ACOXL: variants seen among roughly 807,000 people sequenced by gnomAD.
The protein encoded by ACOXL is acyl-CoA oxidase like.
ACOXL carries 70 observed loss-of-function variants against 71.9 expected under a neutral mutation model. The ratio of observed to expected loss-of-function variants is 0.97; its 90% confidence interval spans 0.80 to 1.19. The LOEUF (loss-of-function observed/expected upper bound fraction) is 1.19, where lower values mean the gene tolerates loss of function less well. Among genes scored for constraint, ACOXL ranks in the 50% most tolerant of loss-of-function variants. The pLI, the probability that ACOXL is intolerant of heterozygous loss-of-function variation, is 0.00. For synonymous variants in ACOXL, 253 were observed against 281.6 expected (o/e 0.90, Z 1.02); for missense variants, 703 against 736.3 (o/e 0.95, Z 0.52).
intron 10 of ACOXL, among the ~76,000 whole-genome samples, chr2:110,870,340 C>G (rs976217045): frequency 6.8e-6 from 1 of 146,110 alleles, no homozygotes; most frequent in African/African-American, 2.5e-5. Context: ...AAGCCCTAGA[C>G]TTTTTTTTTT....
chr2:110,770,949 G>C (rs886187137), intron 2 of ACOXL, among the ~76,000 whole-genome samples: 6 of 152,198 alleles, frequency 3.9e-5, no homozygotes, highest in African/African-American at 9.6e-5. Flanking sequence ...CTGATGAAGC[G>C]TGTTGAGCTC....
intron 3 of ACOXL, among the ~76,000 whole-genome samples, chr2:110,791,560 C>G (rs1383546792): frequency 6.6e-6 from 1 of 152,188 alleles, no homozygotes; most frequent in African/African-American, 2.4e-5. Flanking sequence ...ATTAGTAATG[C>G]AATTTGCAGT....
At chr2:110,760,836 A>G (rs756829594) in intron 1 of ACOXL, among the ~76,000 whole-genome samples, 1 of 152,168 alleles carries the variant, frequency 6.6e-6, no homozygotes. Context: ...GGAAATGCAT[A>G]AGCACTCAAG....
At chr2:110,944,911 T>G (rs1437794828) in intron 12 of ACOXL, among the ~76,000 whole-genome samples, 1 of 152,226 alleles carries the variant, frequency 6.6e-6, no homozygotes, top group African/African-American at 2.4e-5. Flanking sequence ...AGTTCGTTGA[T>G]AAATTACCAA....
intron 15 of ACOXL, among the ~76,000 whole-genome samples, chr2:111,042,206 A>G (rs901018887): frequency 6.6e-6 from 1 of 152,272 alleles, no homozygotes; most frequent in African/African-American, 2.4e-5. Flanking sequence ...GCCTAGGGAA[A>G]TACAGTCTTA....
chr2:111,118,180 C>A lies in ACOXL; in HGVS notation c.*364C>A. 2.9e-6 allele frequency: 1 copy of A among 341,158 alleles called. No homozygotes were observed. The highest frequency in any genetic ancestry group is 5.3e-6 in the Non-Finnish European group (1 of 187,408). The allele number at this position is 341,158 out of a possible 1,614,324, so 21.1% of individuals were successfully genotyped here. A position where few individuals can be genotyped will look rare whatever the true frequency, so the allele number is the denominator to read the frequency against. On this transcript the variant is annotated 3_prime_UTR_variant, in exon 18 of 18. Coordinates refer to ENST00000439055, the MANE Select transcript of ACOXL (RefSeq NM_001142807.4). Reference sequence around the variant, plus strand: ...AGGTCTCCTGCTGTTAGCGGTGACTCACATTCCCAGTGATTTAGAAAAACT... The same window carrying A: ...AGGTCTCCTGCTGTTAGCGGTGACTAACATTCCCAGTGATTTAGAAAAACT...
intron 9 of ACOXL, among the ~76,000 whole-genome samples, chr2:110,811,869 A>G (rs1687376767): frequency 6.6e-6 from 1 of 152,058 alleles, no homozygotes. Flanking sequence ...ATCCTCAGAG[A>G]GGCCATCTGT....
intron 14 of ACOXL, among the ~76,000 whole-genome samples, chr2:111,017,239 T>A (rs1260586047): frequency 6.6e-6 from 1 of 152,212 alleles, no homozygotes; most frequent in Admixed American, 6.5e-5. Context: ...TTGCCCTGTC[T>A]GCACAAGGCC....
intron 3 of ACOXL, among the ~76,000 whole-genome samples, chr2:110,791,041 C>G (rs1184482958): frequency 6.6e-6 from 1 of 152,284 alleles, no homozygotes; most frequent in Non-Finnish European, 1.5e-5. Context: ...CCATGCCCCT[C>G]CCAGAAGGCA....
intron 12 of ACOXL, among the ~76,000 whole-genome samples, chr2:110,948,703 TAAAAAAAAA>T (rs5833377): frequency 1.4e-5 from 1 of 70,816 alleles, no homozygotes; most frequent in South Asian, 5.3e-4. Flanking sequence ...CCAGAAGAAC[TAAAAAAAAA>T]AAAAAAAAAA....
intron 11 of ACOXL, among the ~76,000 whole-genome samples, chr2:110,931,434 G>T (rs574845408): frequency 6.6e-6 from 1 of 152,304 alleles, no homozygotes; most frequent in East Asian, 1.9e-4. Flanking sequence ...GAGATTCTCT[G>T]AGAGTCATTG....
At chr2:111,021,332 A>G (rs1392825670) in intron 14 of ACOXL, among the ~76,000 whole-genome samples, 3 of 152,160 alleles carry the variant, frequency 2.0e-5, no homozygotes, top group African/African-American at 4.8e-5. Context: ...CGTGGGAAAC[A>G]AGCTGGGAAC....
chr2:110,963,858 A>C, intron 12 of ACOXL: 2 of 1,214,458 alleles, frequency 1.6e-6, no homozygotes, highest in Non-Finnish European at 2.2e-6. Flanking sequence ...TGAACAGGGG[A>C]TTACGTTATT....
chr2:111,080,605 G>A (rs1213262225), intron 16 of ACOXL, among the ~76,000 whole-genome samples: 3 of 152,148 alleles, frequency 2.0e-5, no homozygotes, highest in Non-Finnish European at 4.4e-5. Flanking sequence ...AAGGGGAGCT[G>A]GTACCGTTCC....
intron 1 of ACOXL, among the ~76,000 whole-genome samples, chr2:110,756,079 C>A (rs1020579850): frequency 6.6e-6 from 1 of 151,840 alleles, no homozygotes; most frequent in African/African-American, 2.4e-5. Flanking sequence ...ATAAGGAATT[C>A]GGGTGTTAAT....
At chr2:110,863,941 T>G (rs1339243565) in intron 10 of ACOXL, among the ~76,000 whole-genome samples, 1 of 152,062 alleles carries the variant, frequency 6.6e-6, no homozygotes, top group Non-Finnish European at 1.5e-5. Flanking sequence ...TCCCTGGGGG[T>G]GCACCTAGGC....
chr2:111,016,513 T>G (rs2064442825), intron 14 of ACOXL: 1 of 152,242 alleles, frequency 6.6e-6, no homozygotes, highest in Non-Finnish European at 1.5e-5. Context: ...GCATTACAGG[T>G]ACTGTCTTTT....
chr2:111,065,427 TA>T (rs2067017624), intron 16 of ACOXL, among the ~76,000 whole-genome samples: 3 of 152,138 alleles, frequency 2.0e-5, no homozygotes, highest in Admixed American at 2.0e-4. Context: ...AGTAAACATA[TA>T]GAAGAAAACC....
At chr2:111,061,743 A>G (rs1488915619) in intron 16 of ACOXL, among the ~76,000 whole-genome samples, 1 of 152,148 alleles carries the variant, frequency 6.6e-6, no homozygotes, top group African/African-American at 2.4e-5. Context: ...AGGATGGTAA[A>G]CTTTCCACAC....
Sources: allele counts gnomAD v4.1 joint callset (sites outside exome capture counted in the v4.1 genomes callset), GRCh38; gene constraint gnomAD v4.1.1; transcripts MANE v1.5; gene names NCBI Gene and HGNC (gene_info 2026-07-23, HGNC 2026-07-21).